Variants in MMP16 observed in about 807,000 individuals in gnomAD.
MMP16 encodes matrix metalloproteinase-16.
Under a neutral mutation model 67.8 loss-of-function variants are expected in MMP16, and 12 were observed. That is an observed-to-expected ratio of 0.18 (90% CI 0.11 to 0.29). MMP16 has a LOEUF of 0.29. Ranked by LOEUF, MMP16 falls within the 10% of genes least tolerant of loss-of-function variation. The pLI, the probability that MMP16 is intolerant of heterozygous loss-of-function variation, is 1.00. For missense variants in MMP16, 475 were observed against 765.7 expected (o/e 0.62, Z 4.48); for synonymous variants, 249 against 255.9 (o/e 0.97, Z 0.26).
At chr8:88,168,339 T>A (rs1232650974) in intron 3 of MMP16, among the ~76,000 whole-genome samples, 6 of 152,146 alleles carry the variant, frequency 3.9e-5, no homozygotes, top group Non-Finnish European at 5.9e-5. Flanking sequence ...TTTCTAGTTA[T>A]AATTTTTAGA....
chr8:88,297,768 C>T (rs1287699249), intron 1 of MMP16, among the ~76,000 whole-genome samples: 1 of 152,192 alleles, frequency 6.6e-6, no homozygotes, highest in Non-Finnish European at 1.5e-5. Context: ...TCTGTGACTT[C>T]AGTTTCCTCA....
chr8:88,235,518 A>C (rs1024952500), intron 1 of MMP16, among the ~76,000 whole-genome samples: 2 of 152,122 alleles, frequency 1.3e-5, no homozygotes, highest in African/African-American at 4.8e-5. Context: ...TGAGAAAAAT[A>C]GTACAGGGTT....
At chr8:88,300,456 A>C (rs1453518462) in intron 1 of MMP16, among the ~76,000 whole-genome samples, 1 of 152,178 alleles carries the variant, frequency 6.6e-6, no homozygotes. Context: ...AATCCAACGT[A>C]TTCATACTGA....
At position 88,186,384 on chromosome 8, in the gene MMP16, G is replaced by A. The variant is rs1215909411; in HGVS notation, c.404+92C>T. 8.1e-6 allele frequency: 12 copies of A among 1,485,320 alleles called. No homozygotes were observed. The Admixed American group carries it at 1.6e-4, about 19-fold the overall frequency. 92.0% of individuals were successfully genotyped at this position (1,485,320 alleles called of 1,614,324 possible). A position where few individuals can be genotyped will look rare whatever the true frequency, so the allele number is the denominator to read the frequency against. On this transcript the variant is annotated intron_variant, in intron 3 of 9. Coordinates refer to ENST00000286614, the MANE Select transcript of MMP16 (RefSeq NM_005941.5). ...ACATTATATCCCTATATATTAACAT[G>A]TAGTCAACGTGCAGAAGATACTAAA...
chr8:88,251,226 T>G (rs1810215121), intron 1 of MMP16, among the ~76,000 whole-genome samples: 1 of 151,914 alleles, frequency 6.6e-6, no homozygotes, highest in Non-Finnish European at 1.5e-5. Flanking sequence ...GGCATCACAC[T>G]ACCTGAATTC....
chr8:88,295,102 CT>C (rs1455947348), intron 1 of MMP16, among the ~76,000 whole-genome samples: 2 of 152,188 alleles, frequency 1.3e-5, no homozygotes, highest in Non-Finnish European at 2.9e-5. Context: ...TAAGTATCCC[CT>C]TTATCCTACA....
At position 88,116,656 on chromosome 8, in the gene MMP16, T is replaced by A. The variant is rs780076056; in HGVS notation, c.934A>T (p.Ile312Phe). The change falls in exon 6 of 10, where the codon ATT becomes TTT. Residue 312 changes from isoleucine (I) to phenylalanine (F), a missense_variant. By Grantham distance (21) the Ile-to-Phe change is conservative (BLOSUM62 0). Transcript: ENST00000286614. ...PLPTVPPHRS[I>F]PPADPRKNDR... The stretch of plus-strand genomic sequence containing the variant: ...TTTTTCCTTGGGTCAGCCGGAGGAA[T>A]AGAGCGGTGTGGGGGCACTGTCGGT... 2.5e-6 allele frequency: 4 copies of A among 1,613,818 alleles called. No homozygotes were observed. Among genetic ancestry groups the A allele is most frequent in the Non-Finnish European group, 3.4e-6 (4 of 1,179,878 alleles).
intron 1 of MMP16, among the ~76,000 whole-genome samples, chr8:88,246,835 T>C (rs1160029147): frequency 1.3e-5 from 2 of 152,310 alleles, no homozygotes; most frequent in Middle Eastern, 3.4e-3. Context: ...TATCCAGAGA[T>C]AGTTCTAAAA....
intron 3 of MMP16, among the ~76,000 whole-genome samples, chr8:88,171,184 G>T (rs1487444078): frequency 6.6e-6 from 1 of 152,114 alleles, no homozygotes; most frequent in Non-Finnish European, 1.5e-5. Context: ...ACACATCGCT[G>T]TGTTTTTCAA....
chr8:88,263,171 C>T (rs142706300), intron 1 of MMP16, among the ~76,000 whole-genome samples: 4 of 152,064 alleles, frequency 2.6e-5, no homozygotes, highest in Non-Finnish European at 5.9e-5. Context: ...TTGCTCTGTG[C>T]ATTATAATAA....
intron 6 of MMP16, among the ~76,000 whole-genome samples, chr8:88,113,492 A>T (rs541403785): frequency 6.6e-6 from 1 of 152,020 alleles, no homozygotes; most frequent in East Asian, 1.9e-4. Context: ...CAATACTAAA[A>T]ATATTTGAAG....
intron 1 of MMP16, among the ~76,000 whole-genome samples, chr8:88,198,806 C>T (rs1246422385): frequency 6.6e-6 from 1 of 151,974 alleles, no homozygotes; most frequent in Non-Finnish European, 1.5e-5. Context: ...CTAGTAAACT[C>T]ATGTACCATA....
intron 1 of MMP16, among the ~76,000 whole-genome samples, chr8:88,250,143 C>G (rs903891504): frequency 1.4e-4 from 22 of 152,010 alleles, no homozygotes; most frequent in African/African-American, 5.3e-4. Flanking sequence ...ATCTTAATAT[C>G]TTGCCTAAAC....
chr8:88,074,490 TATTTCATTAA>T, intron 7 of MMP16, 105 bp downstream of exon 7: 2 of 868,574 alleles, frequency 2.3e-6, no homozygotes, highest in Non-Finnish European at 3.2e-6. Context: ...TAACATAGTT[TATTTCATTAA>T]ATCCATAGGC....
intron 6 of MMP16, among the ~76,000 whole-genome samples, chr8:88,087,908 C>T (rs965568514): frequency 2.0e-5 from 3 of 150,102 alleles, no homozygotes; most frequent in African/African-American, 5.0e-5. Flanking sequence ...TGTGGTACTG[C>T]GCTACAGCCT....
chr8:88,252,559 T>TA (rs889188942), intron 1 of MMP16, among the ~76,000 whole-genome samples: 18 of 138,954 alleles, frequency 1.3e-4, no homozygotes, highest in South Asian at 2.3e-4. Context: ...GGTTCAAAAA[T>TA]AAAAAAAATC....
At chr8:88,298,549 CAAA>C (rs1296216435) in intron 1 of MMP16, among the ~76,000 whole-genome samples, 1 of 152,136 alleles carries the variant, frequency 6.6e-6, no homozygotes, top group African/African-American at 2.4e-5. Context: ...AGATGTTTTT[CAAA>C]ATGTAGATTC....
chr8:88,209,831 T>C (rs921582185), intron 1 of MMP16, among the ~76,000 whole-genome samples: 5 of 152,186 alleles, frequency 3.3e-5, no homozygotes, highest in Admixed American at 1.3e-4. Flanking sequence ...ATTACATGTA[T>C]ATACCACACT....
At chr8:88,132,025 T>C (rs1311637204) in intron 4 of MMP16, among the ~76,000 whole-genome samples, 1 of 151,866 alleles carries the variant, frequency 6.6e-6, no homozygotes, top group East Asian at 1.9e-4. Flanking sequence ...GAAATTGCTT[T>C]GACTATTTTC....
Sources: allele counts gnomAD v4.1 joint callset (sites outside exome capture counted in the v4.1 genomes callset), GRCh38; gene constraint gnomAD v4.1.1; transcripts MANE v1.5; gene names NCBI Gene and HGNC (gene_info 2026-07-23, HGNC 2026-07-21).